The following ULK4 variants were observed in gnomAD, a reference collection of about 807,000 sequenced individuals.
ULK4 encodes unc-51 like kinase 4, also known as inactive serine/threonine-protein kinase ULK4.
A neutral mutation model predicts 160.6 loss-of-function variants in ULK4; 133 were observed. The observed-to-expected ratio is 0.83, with a 90% CI of 0.72 to 0.96. The LOEUF (loss-of-function observed/expected upper bound fraction) is 0.96, where lower values mean the gene tolerates loss of function less well. ULK4 is among the 40% of genes least tolerant of loss of function. ULK4 has a pLI of 0.00. For missense variants in ULK4, 1,580 were observed against 1,499.5 expected (o/e 1.05, Z -0.89); for synonymous variants, 534 against 539.8 (o/e 0.99, Z 0.15).
intron 35 of ULK4, among the ~76,000 whole-genome samples, chr3:41,369,335 A>T (rs2081315615): frequency 6.6e-6 from 1 of 152,106 alleles, no homozygotes; most frequent in Non-Finnish European, 1.5e-5. Context: ...TCCACTAAAA[A>T]TACTAGAAAT....
intron 35 of ULK4, among the ~76,000 whole-genome samples, chr3:41,271,764 T>C (rs577340015): frequency 3.9e-5 from 6 of 152,260 alleles, no homozygotes; most frequent in South Asian, 2.1e-4. Context: ...TGATCACCTA[T>C]TGATTGACAT....
chr3:41,705,358 A>G (rs1020090544), intron 25 of ULK4, 53 bp from the exon 26 acceptor site: 1 of 1,409,824 alleles, frequency 7.1e-7, no homozygotes, highest in African/African-American at 1.4e-5. Flanking sequence ...CTCTGAAATA[A>G]AATATAGGTA....
At chr3:41,694,197 G>A (rs1013489191) in intron 27 of ULK4, among the ~76,000 whole-genome samples, 1 of 152,182 alleles carries the variant, frequency 6.6e-6, no homozygotes, top group African/African-American at 2.4e-5. Context: ...ACTGTGTAGG[G>A]GACTGGATAC....
intron 32 of ULK4, among the ~76,000 whole-genome samples, chr3:41,529,842 A>G (rs568262054): frequency 1.3e-4 from 20 of 152,306 alleles, no homozygotes; most frequent in African/African-American, 4.6e-4. Context: ...TATTAACATT[A>G]AAATTTATAC....
chr3:41,706,487 G>A (rs956034095), intron 25 of ULK4, among the ~76,000 whole-genome samples: 7 of 148,056 alleles, frequency 4.7e-5, no homozygotes, highest in South Asian at 2.1e-4. Context: ...AGATGACCTC[G>A]GAACTAAAAA....
At chr3:41,845,524 C>T (rs1054880323) in intron 17 of ULK4, among the ~76,000 whole-genome samples, 1 of 152,100 alleles carries the variant, frequency 6.6e-6, no homozygotes, top group African/African-American at 2.4e-5. Flanking sequence ...GAGGGCAGCA[C>T]ACACAGCAGG....
chr3:41,801,816 A>T (rs575451092), intron 19 of ULK4, among the ~76,000 whole-genome samples: 1 of 152,230 alleles, frequency 6.6e-6, no homozygotes, highest in African/African-American at 2.4e-5. Context: ...ACACCACTGC[A>T]CTCCAGCCTG....
At chr3:41,266,921 G>T (rs1206606379) in intron 35 of ULK4, among the ~76,000 whole-genome samples, 1 of 150,688 alleles carries the variant, frequency 6.6e-6, no homozygotes, top group Non-Finnish European at 1.5e-5. Context: ...CTAATGGAGG[G>T]TGTGGCTCCT....
chr3:41,404,243 T>G (rs9831285), intron 34 of ULK4, among the ~76,000 whole-genome samples: 6,856 of 130,956 alleles, frequency 0.052, 541 homozygotes, highest in African/African-American at 0.18. Flanking sequence ...TTTTTTTTTT[T>G]GCTTCATGTA....
intron 30 of ULK4, among the ~76,000 whole-genome samples, chr3:41,628,706 T>C (rs1440630200): frequency 2.0e-5 from 3 of 152,180 alleles, no homozygotes; most frequent in Non-Finnish European, 4.4e-5. Flanking sequence ...AACTGGAGTA[T>C]GATCTACAGT....
intron 30 of ULK4, among the ~76,000 whole-genome samples, chr3:41,636,063 G>C (rs1234766164): frequency 2.0e-5 from 3 of 152,090 alleles, no homozygotes; most frequent in Admixed American, 2.0e-4. Flanking sequence ...CTTCAAATGG[G>C]TTCCAGTCCT....
chr3:41,549,699 C>A (rs946459822), intron 32 of ULK4, among the ~76,000 whole-genome samples: 3 of 151,878 alleles, frequency 2.0e-5, no homozygotes, highest in Non-Finnish European at 4.4e-5. Context: ...TCAAATATTG[C>A]CAATCAGATA....
At chr3:41,656,821 A>T (rs2034951281) in intron 30 of ULK4, among the ~76,000 whole-genome samples, 1 of 149,918 alleles carries the variant, frequency 6.7e-6, no homozygotes, top group Non-Finnish European at 1.5e-5. Flanking sequence ...AACATAAACA[A>T]TTTTTTTTTT....
intron 35 of ULK4, among the ~76,000 whole-genome samples, chr3:41,304,175 A>G (rs2079854371): frequency 6.6e-6 from 1 of 150,570 alleles, no homozygotes; most frequent in South Asian, 2.1e-4. Context: ...TGAGACACTG[A>G]GGCAGGAGAA....
intron 18 of ULK4, among the ~76,000 whole-genome samples, chr3:41,831,533 T>TATAAA (rs763838679): frequency 1.8e-4 from 22 of 125,368 alleles, no homozygotes; most frequent in South Asian, 4.7e-4. Context: ...ATATATATAT[T>TATAAA]TTTTTTTCTT....
chr3:41,791,300 T>G (rs547347664), intron 20 of ULK4, among the ~76,000 whole-genome samples: 1 of 152,250 alleles, frequency 6.6e-6, no homozygotes, highest in South Asian at 2.1e-4. Context: ...GGCCTATTTG[T>G]GTTACTTTTA....
intron 22 of ULK4, among the ~76,000 whole-genome samples, chr3:41,725,974 G>C (rs1284465500): frequency 6.6e-6 from 1 of 152,100 alleles, no homozygotes; most frequent in East Asian, 1.9e-4. Flanking sequence ...CCCAGAAACA[G>C]AAAACAGAGA....
intron 35 of ULK4, among the ~76,000 whole-genome samples, chr3:41,364,409 G>A (rs986429736): frequency 4.6e-5 from 7 of 152,178 alleles, no homozygotes; most frequent in Admixed American, 1.3e-4. Flanking sequence ...CCCCTTGCAT[G>A]TTACATTATT....
chr3:41,791,551 G>A (rs1197914310), intron 20 of ULK4, among the ~76,000 whole-genome samples: 1 of 152,208 alleles, frequency 6.6e-6, no homozygotes, highest in Non-Finnish European at 1.5e-5. Context: ...GCAGGACTGA[G>A]AGATGGGAGG....
Sources: allele counts gnomAD v4.1 joint callset (sites outside exome capture counted in the v4.1 genomes callset), GRCh38; gene constraint gnomAD v4.1.1; transcripts MANE v1.5; gene names NCBI Gene and HGNC (gene_info 2026-07-23, HGNC 2026-07-21).